Variants in HEATR5A observed in about 807,000 individuals in gnomAD.
HEATR5A encodes HEAT repeat-containing protein 5A.
A neutral mutation model predicts 218.8 loss-of-function variants in HEATR5A; 178 were observed. The ratio of observed to expected loss-of-function variants is 0.81; its 90% CI spans 0.72 to 0.92. The LOEUF is 0.92. Ranked by LOEUF, HEATR5A falls within the 40% of genes least tolerant of loss-of-function variation. HEATR5A has a pLI of 0.00. For missense variants in HEATR5A, 2,420 were observed against 2,418.9 expected, an observed-to-expected ratio of 1.00 and a Z score of -0.01; for synonymous variants, 864 against 871.6, an observed-to-expected ratio of 0.99 and a Z score of 0.15.
At chr14:31,296,098 T>G (rs757388526) in intron 33 of HEATR5A, 35 bp from the exon 34 acceptor site, 1 of 1,571,568 alleles carries the variant, frequency 6.4e-7, no homozygotes, top group Non-Finnish European at 8.7e-7. Flanking sequence ...ACAGTTCATA[T>G]TTACTGCTTT....
chr14:31,356,808 A>G (rs1901441734), intron 16 of HEATR5A, among the ~76,000 whole-genome samples: 1 of 152,222 alleles, frequency 6.6e-6, no homozygotes, highest in African/African-American at 2.4e-5. Flanking sequence ...TCTCTAGAAT[A>G]GTAAAATCAC....
intron 14 of HEATR5A, among the ~76,000 whole-genome samples, chr14:31,362,800 C>A (rs1901669147): frequency 6.6e-6 from 1 of 150,624 alleles, no homozygotes; most frequent in Non-Finnish European, 1.5e-5. Flanking sequence ...AAAAAAAAGA[C>A]TTCCATTATT....
chr14:31,309,045 A>G lies in HEATR5A; in HGVS notation c.4579T>C (p.Ser1527Pro), dbSNP rs758703853. Residue 1527 changes from serine to proline, a missense_variant, in exon 29 of 36, where the codon TCT becomes CCT. By Grantham distance (74) the Ser-to-Pro change is moderately conservative. Transcript: ENST00000543095. ...GGTGTTACAGGCCTGGAGAGATTAG[A>G]TGCTCCTTCATCTGGGTCAGCAACA... ...FVVADPDEGA[S>P]NLSRPVTPTS... 1.1e-5 allele frequency: 17 copies of G among 1,613,818 alleles called. No individual in the cohort carries two copies. In the East Asian group the frequency reaches 1.3e-4, roughly 13 times the overall value.
At chr14:31,369,781 A>T (rs1167731666) in intron 13 of HEATR5A, among the ~76,000 whole-genome samples, 1 of 151,834 alleles carries the variant, frequency 6.6e-6, no homozygotes, top group African/African-American at 2.4e-5. Context: ...CACAAAAATT[A>T]GCTGGGTATG....
chr14:31,350,543 A>C (rs1901184773), intron 17 of HEATR5A, 69 bp downstream of exon 17: 2 of 840,364 alleles, frequency 2.4e-6, no homozygotes, highest in Admixed American at 5.2e-5. Context: ...TCATCCTCCG[A>C]CAAACTTCAT....
chr14:31,353,735 C>CA (rs60007823), intron 16 of HEATR5A, among the ~76,000 whole-genome samples: 127,128 of 150,798 alleles, frequency 0.84, 54,474 homozygotes, highest in Non-Finnish European at 0.93. Flanking sequence ...GACGCTGCCT[C>CA]AAAAAAAAAT....
intron 13 of HEATR5A, chr14:31,371,493 TAGA>T (rs1902035587): frequency 5.6e-6 from 1 of 178,796 alleles, no homozygotes; most frequent in African/African-American, 2.3e-5. Context: ...CTGAAACTGT[TAGA>T]AGCATCTGGT....
intron 20 of HEATR5A, among the ~76,000 whole-genome samples, chr14:31,344,532 C>T (rs1029535862): frequency 1.3e-5 from 2 of 151,766 alleles, no homozygotes; most frequent in Non-Finnish European, 2.9e-5. Flanking sequence ...ATCCACCTGC[C>T]TCAGCTTCCC....
chr14:31,309,593 T>A (rs80178710), intron 28 of HEATR5A, among the ~76,000 whole-genome samples: 2,291 of 152,340 alleles, frequency 0.015, 29 homozygotes, highest in Non-Finnish European at 0.024. Flanking sequence ...AGTAACTTTT[T>A]ATAATTTAAT....
chr14:31,417,772 G>T (rs2031504014), intron 1 of HEATR5A, among the ~76,000 whole-genome samples: 1 of 150,600 alleles, frequency 6.6e-6, no homozygotes, highest in Admixed American at 6.6e-5. Context: ...AAAGGAGAGA[G>T]TTGCCAAAAT....
Position 31,414,346 on chromosome 14 carries a change from T to C in HEATR5A, c.-75+6126A>G, listed in dbSNP as rs189714683. On this transcript the variant is annotated intron_variant, in intron 1 of 35. Coordinates refer to ENST00000543095, the MANE Select transcript of HEATR5A (RefSeq NM_015473.4). ...TCAGAACTCGTGGATTTTACTGACA[T>C]AAATCCATCAAAGCCTATTCATTCT... Among the ~76,000 whole-genome samples, 17 of 152,302 alleles carry C rather than the reference T, an allele frequency of 1.1e-4. No homozygotes were observed. In the East Asian group the frequency reaches 3.3e-3, roughly 29 times the overall value.
intron 12 of HEATR5A, among the ~76,000 whole-genome samples, chr14:31,372,789 T>C (rs369051498): frequency 1.3e-5 from 2 of 152,076 alleles, no homozygotes; most frequent in Non-Finnish European, 2.9e-5. Context: ...ATCATGCCAT[T>C]GCACTCCAGC....
intron 11 of HEATR5A, among the ~76,000 whole-genome samples, chr14:31,380,108 T>C (rs4981840): frequency 0.84 from 128,558 of 152,208 alleles, 55,207 homozygotes; most frequent in Non-Finnish European, 0.93. Flanking sequence ...TCCCAAGCTA[T>C]GGGTATGTTC....
chr14:31,339,865 A>C (rs1350971539), intron 21 of HEATR5A, among the ~76,000 whole-genome samples: 1 of 152,232 alleles, frequency 6.6e-6, no homozygotes, highest in African/African-American at 2.4e-5. Flanking sequence ...TGACTAAAAA[A>C]GCACTTTACA....
At chr14:31,325,984 T>G (rs1900254375) in intron 23 of HEATR5A, 179 bp downstream of exon 23, 7 of 618,510 alleles carry the variant, frequency 1.1e-5, no homozygotes, top group Non-Finnish European at 2.0e-5. Context: ...TTTATATTGT[T>G]CAAATTACAG....
Position 31,304,981 on chromosome 14 carries a change from T to C in HEATR5A, c.5163A>G (p.Leu1721=), listed in dbSNP as rs372676316. Residue 1721 remains leucine, a synonymous_variant, in exon 32 of 36, where the codon CTA becomes CTG. Transcript: ENST00000543095. ...AAACCAATCTACTTCCATCTTCTAA[T>C]AGTATCTGTGGCTTCGTAGCTTTTA... ...PGVKATKPQI[L]LEDGSRLVSA... is the part of the protein sequence containing the mutation. The C allele has an allele frequency of 4.3e-6, 7 of 1,613,906 alleles. No individual in the cohort carries two copies. The highest frequency in any genetic ancestry group is 2.7e-5 in the African/African-American group (2 of 74,936).
At chr14:31,381,212 A>C (rs1217057629) in intron 10 of HEATR5A, among the ~76,000 whole-genome samples, 1 of 152,088 alleles carries the variant, frequency 6.6e-6, no homozygotes, top group African/African-American at 2.4e-5. Flanking sequence ...TATGCCACTG[A>C]AACTCCAGCC....
At chr14:31,406,628 G>A (rs1400999706) in intron 1 of HEATR5A, among the ~76,000 whole-genome samples, 1 of 152,088 alleles carries the variant, frequency 6.6e-6, no homozygotes, top group Non-Finnish European at 1.5e-5. Context: ...AACATACTAT[G>A]CTGCCACCCT....
At chr14:31,296,124 G>A in intron 33 of HEATR5A, 61 bp from the exon 34 acceptor site, 1 of 1,408,054 alleles carries the variant, frequency 7.1e-7, no homozygotes, top group Non-Finnish European at 9.9e-7. Context: ...CCTGTGTGAA[G>A]CTGTCTTCAG....
Sources: allele counts gnomAD v4.1 joint callset (sites outside exome capture counted in the v4.1 genomes callset), GRCh38; gene constraint gnomAD v4.1.1; transcripts MANE v1.5; gene names NCBI Gene and HGNC (gene_info 2026-07-23, HGNC 2026-07-21).